The following ERC2 variants were observed in gnomAD, a reference collection of about 807,000 sequenced individuals.
ERC2 encodes the protein ELKS/RAB6-interacting/CAST family member 2.
In ERC2, 42 loss-of-function variants were observed where a neutral mutation model predicts 114.8. That is an observed-to-expected ratio of 0.37 (90% CI 0.29 to 0.47). The LOEUF is 0.47. Among genes scored for constraint, ERC2 ranks in the 20% least tolerant of loss-of-function variants. The probability of loss-of-function intolerance (pLI) is 0.99; values close to 1 mark genes in which losing one functional copy is unlikely to be tolerated. For missense variants in ERC2, 939 were observed against 1,150.7 expected, an observed-to-expected ratio of 0.82 and a Z score of 2.66; for synonymous variants, 454 against 425.5, an observed-to-expected ratio of 1.07 and a Z score of -0.82.
chr3:56,136,997 G>A (rs768867709), intron 6 of ERC2, among the ~76,000 whole-genome samples: 6 of 152,080 alleles, frequency 3.9e-5, no homozygotes, highest in Admixed American at 1.3e-4. Flanking sequence ...AACATGGGAC[G>A]GAAGCTATCC....
At chr3:56,213,398 C>G in intron 3 of ERC2, among the ~76,000 whole-genome samples, 1 of 152,182 alleles carries the variant, frequency 6.6e-6, no homozygotes, top group Non-Finnish European at 1.5e-5. Context: ...GGTCCTACGC[C>G]CACGGAGCCT....
At chr3:55,569,424 A>T (rs917172039) in intron 17 of ERC2, among the ~76,000 whole-genome samples, 1 of 152,202 alleles carries the variant, frequency 6.6e-6, no homozygotes, top group Non-Finnish European at 1.5e-5. Flanking sequence ...GGCAGGGAAG[A>T]GGCATGCGCT....
At chr3:56,210,501 C>A (rs1371245499) in intron 3 of ERC2, among the ~76,000 whole-genome samples, 1 of 152,318 alleles carries the variant, frequency 6.6e-6, no homozygotes, top group East Asian at 1.9e-4. Flanking sequence ...TGCATCCACA[C>A]TGTAGGTGTG....
intron 14 of ERC2, among the ~76,000 whole-genome samples, chr3:55,820,640 G>C (rs577281031): frequency 1.5e-3 from 227 of 152,278 alleles, no homozygotes; most frequent in African/African-American, 5.2e-3. Flanking sequence ...AGGGAGATCA[G>C]GTAGCATACC....
chr3:56,438,022 T>A (rs952859304), intron 1 of ERC2, among the ~76,000 whole-genome samples: 2 of 152,262 alleles, frequency 1.3e-5, no homozygotes, highest in Non-Finnish European at 2.9e-5. Context: ...TTCTTCTTTT[T>A]ATTTGCATAC....
chr3:55,802,059 C>T (rs2071101464), intron 14 of ERC2, among the ~76,000 whole-genome samples: 1 of 152,206 alleles, frequency 6.6e-6, no homozygotes, highest in Non-Finnish European at 1.5e-5. Flanking sequence ...AAGAAAACCT[C>T]AGAATAAAAT....
chr3:55,611,298 T>G (rs999113014), intron 17 of ERC2, among the ~76,000 whole-genome samples: 2 of 152,202 alleles, frequency 1.3e-5, no homozygotes, highest in Non-Finnish European at 2.9e-5. Context: ...TTGAGTTAGA[T>G]TGTCCTCTCC....
intron 6 of ERC2, among the ~76,000 whole-genome samples, chr3:56,085,509 C>G (rs896660280): frequency 1.3e-5 from 2 of 152,182 alleles, no homozygotes; most frequent in African/African-American, 4.8e-5. Flanking sequence ...TGGAGGGATA[C>G]TCACGTCCTG....
intron 14 of ERC2, among the ~76,000 whole-genome samples, chr3:55,851,411 A>G (rs1428610225): frequency 6.6e-6 from 1 of 152,208 alleles, no homozygotes; most frequent in Non-Finnish European, 1.5e-5. Flanking sequence ...TTATTTAAAC[A>G]TGTACACACA....
intron 2 of ERC2, among the ~76,000 whole-genome samples, chr3:56,387,751 T>C (rs1560726093): frequency 2.6e-5 from 4 of 152,304 alleles, no homozygotes; most frequent in Admixed American, 2.6e-4. Flanking sequence ...ACCTCTTTCT[T>C]TTCCAAGAGT....
chr3:55,576,161 A>T (rs372958408), intron 17 of ERC2, among the ~76,000 whole-genome samples: 3 of 152,020 alleles, frequency 2.0e-5, no homozygotes, highest in African/African-American at 7.3e-5. Context: ...AATAAAAAAA[A>T]TTATCCAGGC....
chr3:55,703,336 G>A (rs551386714), intron 15 of ERC2, among the ~76,000 whole-genome samples: 24 of 152,306 alleles, frequency 1.6e-4, no homozygotes, highest in African/African-American at 2.2e-4. Flanking sequence ...CTTGGGACAT[G>A]CTGTTCTCTC....
chr3:56,423,416 T>C (rs1332092814), intron 2 of ERC2, among the ~76,000 whole-genome samples: 3 of 152,266 alleles, frequency 2.0e-5, no homozygotes, highest in Non-Finnish European at 4.4e-5. Flanking sequence ...CTCTACTCAC[T>C]AAATGCCAGT....
At chr3:56,364,500 T>C (rs1177813691) in intron 2 of ERC2, among the ~76,000 whole-genome samples, 1 of 152,164 alleles carries the variant, frequency 6.6e-6, no homozygotes, top group African/African-American at 2.4e-5. Context: ...CTGTATTAAC[T>C]CTATTTAAAT....
At chr3:56,023,974 C>T (rs1046178187) in intron 7 of ERC2, among the ~76,000 whole-genome samples, 5 of 152,144 alleles carry the variant, frequency 3.3e-5, no homozygotes, top group African/African-American at 9.7e-5. Context: ...ACTTAGGCAT[C>T]GTTACAGTTT....
At chr3:55,957,078 T>C (rs1014429957) in intron 12 of ERC2, among the ~76,000 whole-genome samples, 8 of 151,974 alleles carry the variant, frequency 5.3e-5, no homozygotes, top group African/African-American at 1.7e-4. Context: ...TAGCATAAGA[T>C]AGCTAAAAGA....
At chr3:56,339,201 T>A (rs1188634858) in intron 2 of ERC2, among the ~76,000 whole-genome samples, 1 of 152,126 alleles carries the variant, frequency 6.6e-6, no homozygotes, top group African/African-American at 2.4e-5. Context: ...AAAATAGAAG[T>A]AACAACAGAT....
chr3:56,042,384 G>A (rs563008078), intron 7 of ERC2, among the ~76,000 whole-genome samples: 4 of 152,184 alleles, frequency 2.6e-5, no homozygotes, highest in Non-Finnish European at 5.9e-5. Flanking sequence ...ACTAAGATCT[G>A]CATTCCTATC....
chr3:56,205,892 T>C (rs948234681), intron 3 of ERC2, among the ~76,000 whole-genome samples: 5 of 152,154 alleles, frequency 3.3e-5, no homozygotes, highest in Admixed American at 6.5e-5. Flanking sequence ...TGAACAAGGC[T>C]TAAAATTATT....
Sources: allele counts gnomAD v4.1 joint callset (sites outside exome capture counted in the v4.1 genomes callset), GRCh38; gene constraint gnomAD v4.1.1; transcripts MANE v1.5; gene names NCBI Gene and HGNC (gene_info 2026-07-23, HGNC 2026-07-21).